The following SGPP2 variants were observed in gnomAD, a reference collection of about 807,000 sequenced individuals.
SGPP2 encodes the protein sphingosine 1-phosphate phosphohydrolase 2.
In SGPP2, 30 loss-of-function variants were observed where a neutral mutation model predicts 33.9. The observed-to-expected ratio is 0.89, with a 90% CI of 0.66 to 1.20. The LOEUF is 1.20. SGPP2 is among the 50% of genes most tolerant of loss of function. The pLI is 0.00. For synonymous variants in SGPP2, 233 were observed against 225.0 expected (o/e 1.04, Z -0.32); for missense variants, 458 against 532.1 (o/e 0.86, Z 1.37).
At chr2:222,521,349 G>A (rs1447584090) in intron 2 of SGPP2, among the ~76,000 whole-genome samples, 2 of 152,104 alleles carry the variant, frequency 1.3e-5, no homozygotes, top group Non-Finnish European at 2.9e-5. Context: ...TTCTAGATTC[G>A]AATCCCAGTT....
At chr2:222,431,213 G>T (rs1697149042) in intron 1 of SGPP2, among the ~76,000 whole-genome samples, 2 of 151,342 alleles carry the variant, frequency 1.3e-5, no homozygotes. Context: ...GTCTATTTAG[G>T]CCAGGCATGG....
In SGPP2 at chr2:222,561,417, G is replaced by GA. The variant is rs1478256163; in HGVS notation, c.*2521dup. On this transcript the variant is annotated 3_prime_UTR_variant, in exon 5 of 5. Transcript: ENST00000321276. Reference sequence around the variant, plus strand: ...CCAAATAATTGTGGTTGACTTGTCTGAAGCCAGCTGACAAAAGGATCAGCT... The same window carrying GA: ...CCAAATAATTGTGGTTGACTTGTCTGAAAGCCAGCTGACAAAAGGATCAGCT... Among the ~76,000 whole-genome samples the GA allele has an allele frequency of 3.9e-5, 6 of 151,964 alleles. No homozygotes were observed. The highest frequency in any genetic ancestry group is 1.4e-4 in the African/African-American group (6 of 41,390).
Position 222,476,545 on chromosome 2 carries a change from T to G in SGPP2, c.378+1819T>G, listed in dbSNP as rs1300445872. 6.6e-6 allele frequency among the ~76,000 whole-genome samples: 1 copy of G among 152,118 alleles called. No individual in the cohort carries two copies. Among genetic ancestry groups the G allele is most frequent in the South Asian group, 2.1e-4 (1 of 4,826 alleles). ...TGTCCCTCCCCGTTTCTGAGGCCACTTCTGTGTCCACGGAGCAGGCAGGAT... is the reference window on the plus strand; with the variant it reads ...TGTCCCTCCCCGTTTCTGAGGCCACGTCTGTGTCCACGGAGCAGGCAGGAT... On this transcript the variant is annotated intron_variant, in intron 2 of 4. Transcript: ENST00000321276. The surrounding 1 kb of genome is among the most constrained non-coding windows in gnomAD (Gnocchi z 4.3).
At chr2:222,453,105 A>G (rs1697517320) in intron 1 of SGPP2, 1 of 777,188 alleles carries the variant, frequency 1.3e-6, no homozygotes, top group South Asian at 1.4e-5. Context: ...TGGTAGGAGA[A>G]TCAGGACTAT....
chr2:222,558,161 A>G (rs1689448467), intron 4 of SGPP2, among the ~76,000 whole-genome samples, 186 bp from the exon 5 acceptor site: 2 of 152,238 alleles, frequency 1.3e-5, no homozygotes, highest in Admixed American at 6.5e-5. Context: ...TGGTTGTTGG[A>G]AGCATTTTTT....
intron 1 of SGPP2, among the ~76,000 whole-genome samples, chr2:222,448,124 G>A (rs1697424350): frequency 6.6e-6 from 1 of 152,222 alleles, no homozygotes; most frequent in Non-Finnish European, 1.5e-5. Context: ...ACGTCATGCA[G>A]CTGGGAATTG....
intron 1 of SGPP2, among the ~76,000 whole-genome samples, chr2:222,447,684 C>G (rs1697418322): frequency 6.6e-6 from 1 of 152,170 alleles, no homozygotes; most frequent in Non-Finnish European, 1.5e-5. Flanking sequence ...CTGCATTTTA[C>G]ATAGATGGTT....
rs185535896 is a variant in SGPP2 at position 222,424,797 on chromosome 2, G to T, written c.195G>T (p.Gly65=). The change falls in exon 1 of 5, where the codon GGG becomes GGT. Residue 65 remains glycine (G), a synonymous_variant. Transcript: ENST00000321276. ...AGGGCGGCGAGGCTCCGGCCAACGGGCTGCGCAGAGCCGCGGCGCCGGAGG... is the reference window on the plus strand; with the variant it reads ...AGGGCGGCGAGGCTCCGGCCAACGGTCTGCGCAGAGCCGCGGCGCCGGAGG... ...NGKGGEAPAN[G]LRRAAAPEAY... is the part of the protein sequence containing the mutation. 9.7e-3 allele frequency: 13,367 copies of T among 1,381,542 alleles called. 90 individuals are homozygous for T. The highest frequency in any genetic ancestry group is 0.011 in the Non-Finnish European group (12,076 of 1,070,498). 85.6% of individuals were successfully genotyped at this position (1,381,542 alleles called of 1,614,324 possible).
rs1202260202 is a variant in SGPP2 at position 222,562,434 on chromosome 2, A to AT, written c.*3540dup. ...CCCAGTGATCGCACTGTAACATGGG[A>AT]TTTTCTCACCCAAATAGGCAACTCA... On this transcript the variant is annotated 3_prime_UTR_variant, in exon 5 of 5. Transcript: ENST00000321276. 2.6e-5 allele frequency among the ~76,000 whole-genome samples: 4 copies of AT among 152,132 alleles called. No individual in the cohort carries two copies. In the East Asian group the frequency reaches 5.8e-4, roughly 22 times the overall value.
At position 222,506,891 on chromosome 2, in the gene SGPP2, TA is replaced by T. The variant is rs1233146537; in HGVS notation, c.379-14868del. Reference sequence around the variant, plus strand: ...TAAAGTATAATAAATATATATATATTAAAAAAAAGAAATAATCACATGGGTG... The same window carrying T: ...TAAAGTATAATAAATATATATATATTAAAAAAAGAAATAATCACATGGGTG... On this transcript the variant is annotated intron_variant, in intron 2 of 4. Coordinates refer to ENST00000321276, the MANE Select transcript of SGPP2 (RefSeq NM_152386.4). 4.0e-5 allele frequency among the ~76,000 whole-genome samples: 6 copies of T among 151,630 alleles called. No homozygotes were observed. In the South Asian group the frequency reaches 8.3e-4, roughly 21 times the overall value.
intron 2 of SGPP2, among the ~76,000 whole-genome samples, chr2:222,499,592 G>A (rs1698335145): frequency 6.6e-6 from 1 of 151,952 alleles, no homozygotes; most frequent in African/African-American, 2.4e-5. Flanking sequence ...GCAGAAAAGA[G>A]GACGTGTTGG....
intron 4 of SGPP2, among the ~76,000 whole-genome samples, chr2:222,531,252 A>AT (rs1173911228): frequency 6.6e-6 from 1 of 152,226 alleles, no homozygotes; most frequent in Non-Finnish European, 1.5e-5. Context: ...CAAAACTTCA[A>AT]TTTGTAAAAA....
At chr2:222,529,659 C>T (rs899224145) in intron 4 of SGPP2, among the ~76,000 whole-genome samples, 5 of 152,132 alleles carry the variant, frequency 3.3e-5, no homozygotes, top group African/African-American at 9.7e-5. Flanking sequence ...TCATATCTGC[C>T]GTTACTTCCT....
At chr2:222,510,364 A>G (rs1023355923) in intron 2 of SGPP2, among the ~76,000 whole-genome samples, 4 of 152,216 alleles carry the variant, frequency 2.6e-5, no homozygotes, top group Non-Finnish European at 4.4e-5. Flanking sequence ...GTACTGGTAG[A>G]GAGGCTGTGG....
intron 1 of SGPP2, among the ~76,000 whole-genome samples, chr2:222,431,598 T>G (rs533663591): frequency 2.0e-5 from 3 of 151,924 alleles, no homozygotes; most frequent in South Asian, 4.1e-4. Context: ...AAAACCAACA[T>G]GGGAGGATGA....
Position 222,469,544 on chromosome 2 carries a change from G to A in SGPP2, c.220-5024G>A, listed in dbSNP as rs116877094. The stretch of plus-strand genomic sequence containing the variant: ...TCTGCCATCAAAGCCTAGGCCATCA[G>A]CTCTTTTGCTGGCTAGTCAGAAATG... On this transcript the variant is annotated intron_variant, in intron 1 of 4. Coordinates refer to ENST00000321276, the MANE Select transcript of SGPP2 (RefSeq NM_152386.4). Among the ~76,000 whole-genome samples the A allele has an allele frequency of 1.7e-3, 263 of 152,318 alleles. 3 individuals are homozygous for A. In the East Asian group the frequency reaches 0.035, roughly 20 times the overall value.
chr2:222,443,544 G>A (rs566575606), intron 1 of SGPP2, among the ~76,000 whole-genome samples: 1 of 152,316 alleles, frequency 6.6e-6, no homozygotes, highest in East Asian at 1.9e-4. Context: ...GTAGAGAAAA[G>A]GAATAATGAC....
At chr2:222,482,783 C>T (rs1480610519) in intron 2 of SGPP2, among the ~76,000 whole-genome samples, 1 of 152,178 alleles carries the variant, frequency 6.6e-6, no homozygotes, top group African/African-American at 2.4e-5. Flanking sequence ...GTACTTGGTC[C>T]AAACAGCTGT....
chr2:222,558,877 C>T lies in SGPP2; in HGVS notation c.1179C>T (p.His393=). The T allele has an allele frequency of 6.2e-7, 1 of 1,608,406 alleles. No homozygotes were observed. The highest frequency in any genetic ancestry group is 1.1e-5 in the South Asian group (1 of 91,012). The change falls in exon 5 of 5, where the codon CAC becomes CAT. Residue 393 remains histidine, a synonymous_variant. Coordinates refer to ENST00000321276, the MANE Select transcript of SGPP2 (RefSeq NM_152386.4). ...CTACAACCTTTGTGCCGATGCTTCA[C>T]AGGTTTCTGGGATTACCCTGAGTCT... ...ICATTFVPML[H]RFLGLP is the part of the protein sequence containing the mutation.
Sources: allele counts gnomAD v4.1 joint callset (sites outside exome capture counted in the v4.1 genomes callset), GRCh38; gene constraint gnomAD v4.1.1; non-coding constraint Gnocchi (gnomAD v3.1); transcripts MANE v1.5; gene names NCBI Gene and HGNC (gene_info 2026-07-23, HGNC 2026-07-21).